The following MGAT4C variants were observed in gnomAD, a reference collection of about 807,000 sequenced individuals.
The protein encoded by MGAT4C is alpha-1,3-mannosyl-glycoprotein 4-beta-N-acetylglucosaminyltransferase C.
Under a neutral mutation model 40.1 loss-of-function variants are expected in MGAT4C, and 19 were observed. The ratio of observed to expected loss-of-function variants is 0.47; its 90% CI spans 0.33 to 0.70. The LOEUF is 0.70. MGAT4C is among the 30% of genes least tolerant of loss of function. The pLI, the probability that MGAT4C is intolerant of heterozygous loss-of-function variation, is 0.02. For synonymous variants in MGAT4C, 181 were observed against 187.1 expected (o/e 0.97, Z 0.27); for missense variants, 491 against 563.2 (o/e 0.87, Z 1.30).
chr12:86,419,821 T>C (rs1009432575), intron 3 of MGAT4C, among the ~76,000 whole-genome samples: 6 of 152,078 alleles, frequency 3.9e-5, no homozygotes, highest in South Asian at 2.1e-4. Flanking sequence ...GGAAGGCTAA[T>C]ATTGACCCTA....
intron 1 of MGAT4C, among the ~76,000 whole-genome samples, chr12:86,797,394 C>G (rs1411615732): frequency 1.3e-5 from 2 of 151,532 alleles, no homozygotes; most frequent in African/African-American, 4.8e-5. Flanking sequence ...TCACATTCAA[C>G]TGAACTGTCA....
chr12:86,627,870 GA>G (rs1158529487), intron 2 of MGAT4C, among the ~76,000 whole-genome samples: 1 of 151,514 alleles, frequency 6.6e-6, no homozygotes, highest in Non-Finnish European at 1.5e-5. Flanking sequence ...GCCAGCAATG[GA>G]ACAAAGCTGG....
intron 4 of MGAT4C, among the ~76,000 whole-genome samples, chr12:86,277,534 A>G (rs1407417536): frequency 1.3e-5 from 2 of 152,184 alleles, no homozygotes; most frequent in African/African-American, 4.8e-5. Flanking sequence ...TTGAGGTTTT[A>G]GATTTAAGTC....
chr12:86,203,386 T>C (rs1293007273), intron 1 of MGAT4C, among the ~76,000 whole-genome samples: 2 of 152,142 alleles, frequency 1.3e-5, no homozygotes, highest in Non-Finnish European at 2.9e-5. Context: ...GAACAGGAGC[T>C]ATTGTCTACA....
At chr12:86,093,263 T>G (rs1432549587) in intron 1 of MGAT4C, among the ~76,000 whole-genome samples, 3 of 152,202 alleles carry the variant, frequency 2.0e-5, no homozygotes, top group African/African-American at 7.2e-5. Flanking sequence ...TACTGACTCT[T>G]TCCACTCTGA....
At chr12:86,828,922 C>T (rs1263294888) in intron 1 of MGAT4C, among the ~76,000 whole-genome samples, 3 of 151,528 alleles carry the variant, frequency 2.0e-5, no homozygotes, top group African/African-American at 4.8e-5. Flanking sequence ...ACCTGGATTG[C>T]GGTGATAGTT....
chr12:86,827,591 T>C (rs1026894506), intron 1 of MGAT4C, among the ~76,000 whole-genome samples: 1 of 151,190 alleles, frequency 6.6e-6, no homozygotes, highest in African/African-American at 2.4e-5. Flanking sequence ...ACAATGACAC[T>C]TAGAGAAATG....
intron 1 of MGAT4C, among the ~76,000 whole-genome samples, chr12:86,780,080 T>C (rs1321731340): frequency 6.6e-6 from 1 of 152,066 alleles, no homozygotes; most frequent in Admixed American, 6.6e-5. Flanking sequence ...TATAGACTTA[T>C]ATTCAACCTC....
chr12:86,768,769 A>C (rs1001704037), intron 1 of MGAT4C, among the ~76,000 whole-genome samples: 6 of 152,164 alleles, frequency 3.9e-5, no homozygotes, highest in African/African-American at 1.4e-4. Flanking sequence ...CAATGGGGAA[A>C]GGATTCCCTA....
chr12:86,816,678 T>A (rs953110866), intron 1 of MGAT4C, among the ~76,000 whole-genome samples: 3 of 151,540 alleles, frequency 2.0e-5, no homozygotes, highest in African/African-American at 7.2e-5. Context: ...AGAACAACAG[T>A]GGGTTTTGTA....
intron 2 of MGAT4C, among the ~76,000 whole-genome samples, chr12:86,622,459 C>T (rs1962668971): frequency 6.6e-6 from 1 of 152,004 alleles, no homozygotes; most frequent in African/African-American, 2.4e-5. Flanking sequence ...TAAGAGTTCA[C>T]ACAGGTCTAG....
At chr12:86,780,593 A>G (rs1448956071) in intron 1 of MGAT4C, among the ~76,000 whole-genome samples, 1 of 152,130 alleles carries the variant, frequency 6.6e-6, no homozygotes, top group African/African-American at 2.4e-5. Context: ...GCCTTCTGCC[A>G]TGATTGTTAA....
At chr12:86,531,943 T>C (rs1382070640) in intron 2 of MGAT4C, among the ~76,000 whole-genome samples, 1 of 151,998 alleles carries the variant, frequency 6.6e-6, no homozygotes, top group Non-Finnish European at 1.5e-5. Flanking sequence ...ACAAATTGGC[T>C]AATGGATTAG....
rs770595521 is a variant in MGAT4C, at chr12:85,980,132, A to G, written c.594T>C (p.Phe198=). Residue 198 remains phenylalanine, a synonymous_variant, in exon 5 of 5, where the codon TTT becomes TTC. Transcript: ENST00000611864. ...NYNDPEDRVK[F]RSKQNVDYAF... is the part of the protein sequence containing the mutation. Reference sequence around the variant, plus strand: ...CATAATCTACATTTTGCTTGGAACGAAATTTGACTCTATCTTCTGGATCAT... The same window carrying G: ...CATAATCTACATTTTGCTTGGAACGGAATTTGACTCTATCTTCTGGATCAT... The G allele has an allele frequency of 1.2e-6, 2 of 1,614,006 alleles. No homozygotes were observed. Among genetic ancestry groups the G allele is most frequent in the Non-Finnish European group, 1.7e-6 (2 of 1,179,914 alleles).
chr12:86,013,081 A>G (rs1028379916), intron 2 of MGAT4C, among the ~76,000 whole-genome samples: 1 of 152,144 alleles, frequency 6.6e-6, no homozygotes, highest in African/African-American at 2.4e-5. Flanking sequence ...GCTTCAAAGA[A>G]CTATTATCAC....
chr12:86,416,875 T>C (rs1386610043), intron 3 of MGAT4C, among the ~76,000 whole-genome samples: 4 of 152,094 alleles, frequency 2.6e-5, no homozygotes, highest in African/African-American at 9.7e-5. Context: ...TAAGATGATA[T>C]CATTGGACTG....
chr12:86,674,644 C>T (rs1247321995), intron 2 of MGAT4C, among the ~76,000 whole-genome samples: 1 of 151,876 alleles, frequency 6.6e-6, no homozygotes, highest in Admixed American at 6.6e-5. Context: ...TGCAGTGAGC[C>T]GAGATCATGC....
chr12:86,834,194 AT>A (rs1361288763), intron 1 of MGAT4C, among the ~76,000 whole-genome samples: 87 of 144,918 alleles, frequency 6.0e-4, no homozygotes, highest in African/African-American at 2.3e-3. Context: ...ATAGATATAG[AT>A]ATAGATATAG....
intron 1 of MGAT4C, among the ~76,000 whole-genome samples, chr12:86,818,129 A>G (rs1172869727): frequency 6.6e-6 from 1 of 151,394 alleles, no homozygotes; most frequent in Admixed American, 6.6e-5. Context: ...TACACAGGGG[A>G]GAAATGTGCC....
Sources: gnomAD v4.1 joint callset for allele counts (sites outside exome capture counted in the v4.1 genomes callset) on GRCh38, gnomAD v4.1.1 for gene constraint, MANE v1.5 for transcripts, NCBI Gene and HGNC (gene_info 2026-07-23, HGNC 2026-07-21) for gene names.